Variants in PIBF1 observed in about 807,000 individuals in gnomAD.
PIBF1 encodes the protein progesterone-induced-blocking factor 1.
PIBF1 carries 90 observed loss-of-function variants against 112.5 expected under a neutral mutation model. The ratio of observed to expected loss-of-function variants is 0.80; its 90% CI spans 0.67 to 0.95. PIBF1 has a LOEUF of 0.95. Ranked by LOEUF, PIBF1 falls within the 40% of genes least tolerant of loss-of-function variation. PIBF1 has a pLI of 0.00. For missense variants in PIBF1, 915 were observed against 852.3 expected (o/e 1.07, Z -0.92); for synonymous variants, 301 against 288.6 (o/e 1.04, Z -0.44).
intron 12 of PIBF1, among the ~76,000 whole-genome samples, chr13:72,914,954 A>G (rs1312630846): frequency 6.6e-6 from 1 of 152,172 alleles, no homozygotes; most frequent in Non-Finnish European, 1.5e-5. Flanking sequence ...TGCTCTCTCT[A>G]TTAGCAGATA....
At chr13:72,927,619 T>C (rs906723568) in intron 13 of PIBF1, among the ~76,000 whole-genome samples, 2 of 152,266 alleles carry the variant, frequency 1.3e-5, no homozygotes, top group South Asian at 2.1e-4. Flanking sequence ...ACTCCTGGCC[T>C]CAAGTGATCT....
At chr13:72,871,798 G>T (rs771798376) in intron 10 of PIBF1, among the ~76,000 whole-genome samples, 10 of 152,112 alleles carry the variant, frequency 6.6e-5, no homozygotes, top group Non-Finnish European at 1.0e-4. Context: ...AGTTTTTACT[G>T]CAAGCCCAAC....
intron 11 of PIBF1, among the ~76,000 whole-genome samples, chr13:72,905,550 G>A (rs1045361328): frequency 6.6e-6 from 1 of 152,124 alleles, no homozygotes; most frequent in Non-Finnish European, 1.5e-5. Context: ...AGCAAAATTT[G>A]TAGATGGTGT....
intron 9 of PIBF1, among the ~76,000 whole-genome samples, chr13:72,850,626 T>C (rs1165399154): frequency 6.6e-6 from 1 of 152,236 alleles, no homozygotes; most frequent in African/African-American, 2.4e-5. Flanking sequence ...TACTTGTAAT[T>C]GTGCTGCCGA....
intron 8 of PIBF1, among the ~76,000 whole-genome samples, chr13:72,830,921 A>G (rs1329087379): frequency 6.6e-6 from 1 of 151,904 alleles, no homozygotes; most frequent in Non-Finnish European, 1.5e-5. Context: ...TTTGGTTGGT[A>G]GGCTATTACT....
At chr13:72,844,791 A>ACACACACGCG (rs1566348761) in intron 9 of PIBF1, among the ~76,000 whole-genome samples, 1 of 131,128 alleles carries the variant, frequency 7.6e-6, no homozygotes, top group African/African-American at 2.9e-5. Context: ...ACACACACAC[A>ACACACACGCG]CACACACACG....
chr13:72,970,614 G>T (rs1460276275), intron 15 of PIBF1: 1 of 152,102 alleles, frequency 6.6e-6, no homozygotes, highest in Non-Finnish European at 1.5e-5. Context: ...TAACAATTAT[G>T]GGTGTAATAT....
intron 13 of PIBF1, among the ~76,000 whole-genome samples, chr13:72,922,718 A>G (rs2041340572): frequency 6.6e-6 from 1 of 152,212 alleles, no homozygotes; most frequent in African/African-American, 2.4e-5. Context: ...TATGACAAAC[A>G]TGTTTTCCTT....
At chr13:72,925,174 A>G (rs1302319735) in intron 13 of PIBF1, among the ~76,000 whole-genome samples, 1 of 152,254 alleles carries the variant, frequency 6.6e-6, no homozygotes, top group African/African-American at 2.4e-5. Flanking sequence ...GGAACAGGAT[A>G]TAGACATCAG....
intron 5 of PIBF1, among the ~76,000 whole-genome samples, chr13:72,801,556 T>G (rs997022543): frequency 4.6e-5 from 7 of 152,196 alleles, no homozygotes; most frequent in Non-Finnish European, 7.3e-5. Context: ...AAAGATGCAG[T>G]ATTAAATCAT....
Position 73,013,300 on chromosome 13 carries a change from C to CAAAA in PIBF1, c.2224-2546_2224-2543dup, listed in dbSNP as rs869055620. Among the ~76,000 whole-genome samples the CAAAA allele has an allele frequency of 2.0e-3, 29 of 14,640 alleles. 1 individual carries two copies. The highest frequency in any genetic ancestry group is 5.9e-3 in the East Asian group (3 of 512). 9.6% of individuals were successfully genotyped at this position (14,640 alleles called of 152,430 possible). ...TGGGCGACAGAGCGAGACTCTGTCTCAAAAAAAAAAAAAAAAAAAAAAAAA... is the reference window on the plus strand; with the variant it reads ...TGGGCGACAGAGCGAGACTCTGTCTCAAAAAAAAAAAAAAAAAAAAAAAAAAAAA... On this transcript the variant is annotated intron_variant, in intron 17 of 17. Transcript: ENST00000326291.
chr13:72,790,836 A>C (rs1377916349), intron 2 of PIBF1, among the ~76,000 whole-genome samples: 1 of 152,196 alleles, frequency 6.6e-6, no homozygotes, highest in Non-Finnish European at 1.5e-5. Context: ...GAATAGTTTC[A>C]CTGGAATAGT....
intron 10 of PIBF1, among the ~76,000 whole-genome samples, chr13:72,855,861 T>A (rs2038400778): frequency 6.6e-6 from 1 of 152,156 alleles, no homozygotes; most frequent in Non-Finnish European, 1.5e-5. Flanking sequence ...GTTTTAGGGA[T>A]GTATATTTTT....
intron 5 of PIBF1, among the ~76,000 whole-genome samples, chr13:72,805,639 G>GA (rs35186015): frequency 2.6e-5 from 4 of 152,104 alleles, no homozygotes; most frequent in Admixed American, 2.6e-4. Context: ...AAGCTTTGGG[G>GA]AAAAAAACAT....
intron 9 of PIBF1, among the ~76,000 whole-genome samples, chr13:72,835,775 C>G (rs2037328534): frequency 6.6e-6 from 1 of 152,208 alleles, no homozygotes; most frequent in Middle Eastern, 3.4e-3. Flanking sequence ...CTGCTGGCTC[C>G]GAAAGATGTC....
At chr13:72,903,407 T>TA (rs1463181437) in intron 11 of PIBF1, among the ~76,000 whole-genome samples, 1 of 152,194 alleles carries the variant, frequency 6.6e-6, no homozygotes, top group Non-Finnish European at 1.5e-5. Context: ...TGGGCCCAGT[T>TA]ACACAAATTT....
At chr13:72,842,513 T>C (rs557219508) in intron 9 of PIBF1, among the ~76,000 whole-genome samples, 46 of 152,364 alleles carry the variant, frequency 3.0e-4, no homozygotes, top group Non-Finnish European at 5.3e-4. Flanking sequence ...GAAGAAACTT[T>C]AATGATATAA....
intron 13 of PIBF1, among the ~76,000 whole-genome samples, chr13:72,927,966 T>TATACAC (rs1555316889): frequency 2.0e-5 from 2 of 99,432 alleles, no homozygotes; most frequent in African/African-American, 1.3e-4. Context: ...TATACACATA[T>TATACAC]ATATATATAT....
At chr13:72,991,252 T>C (rs1300650633) in intron 16 of PIBF1, among the ~76,000 whole-genome samples, 1 of 151,664 alleles carries the variant, frequency 6.6e-6, no homozygotes, top group Non-Finnish European at 1.5e-5. Context: ...GAACAGTTTA[T>C]CTCTCTCATA....
Sources: gnomAD v4.1 joint callset for allele counts (sites outside exome capture counted in the v4.1 genomes callset) on GRCh38, gnomAD v4.1.1 for gene constraint, MANE v1.5 for transcripts, NCBI Gene and HGNC (gene_info 2026-07-23, HGNC 2026-07-21) for gene names.